Variants in CLEC16A observed in about 807,000 individuals in gnomAD.
CLEC16A encodes C-type lectin domain containing 16A.
In CLEC16A, 51 loss-of-function variants were observed where a neutral mutation model predicts 109.5. That is an observed-to-expected ratio of 0.47 (90% CI 0.37 to 0.59). CLEC16A has a LOEUF of 0.59. Ranked by LOEUF, CLEC16A falls within the 20% of genes least tolerant of loss-of-function variation. The pLI, the probability that CLEC16A is intolerant of heterozygous loss-of-function variation, is 0.00. For synonymous variants in CLEC16A, 673 were observed against 564.2 expected (o/e 1.19, Z -2.73); for missense variants, 1,339 against 1,394.0 (o/e 0.96, Z 0.63).
intron 18 of CLEC16A, among the ~76,000 whole-genome samples, chr16:11,055,722 G>A (rs1210199198): frequency 2.7e-5 from 4 of 150,496 alleles, no homozygotes; most frequent in African/African-American, 4.9e-5. Context: ...ACAGTAGCAT[G>A]AGCCACCACG....
At chr16:11,046,619 C>T (rs1025119827) in intron 16 of CLEC16A, among the ~76,000 whole-genome samples, 1 of 152,168 alleles carries the variant, frequency 6.6e-6, no homozygotes, top group Non-Finnish European at 1.5e-5. Flanking sequence ...CCTCGCATTT[C>T]ATGTGCATTA....
intron 19 of CLEC16A, among the ~76,000 whole-genome samples, chr16:11,062,756 A>C (rs1185662899): frequency 1.3e-5 from 2 of 152,122 alleles, no homozygotes; most frequent in Non-Finnish European, 2.9e-5. Flanking sequence ...CCTGCTGCCC[A>C]ACTCCTTTGG....
intron 19 of CLEC16A, among the ~76,000 whole-genome samples, chr16:11,100,387 G>A (rs1269929801): frequency 1.3e-5 from 2 of 152,152 alleles, no homozygotes; most frequent in African/African-American, 2.4e-5. Context: ...CACACGGCCC[G>A]GCCAAAGTGA....
chr16:11,121,813 G>A (rs560711687), intron 20 of CLEC16A, among the ~76,000 whole-genome samples: 1 of 143,894 alleles, frequency 6.9e-6, no homozygotes, highest in Non-Finnish European at 1.5e-5. Flanking sequence ...CCAGGAGGCA[G>A]AGGATGCAGT....
rs1383409364 is a variant in CLEC16A at position 11,081,947 on chromosome 16, G to A, written c.2116+20925G>A. ...CTTGGGAGGTTGAGGTGGGAGGATCGCTTGAGCTTGGGAGGCAGAGGTTGC... is the reference window on the plus strand; with the variant it reads ...CTTGGGAGGTTGAGGTGGGAGGATCACTTGAGCTTGGGAGGCAGAGGTTGC... On this transcript the variant is annotated intron_variant, in intron 19 of 23. Transcript: ENST00000409790. Among the ~76,000 whole-genome samples the A allele has an allele frequency of 5.3e-5, 8 of 152,318 alleles. No individual in the cohort carries two copies. The South Asian group carries it at 1.4e-3, about 28-fold the overall frequency.
rs72650687 is a variant in CLEC16A at position 11,166,421 on chromosome 16, G to A, written c.2675G>A (p.Ser892Asn). ...FAVAQCINQH[S>N]SPSLSSQSPP... ...GTGGCCCAGTGCATAAACCAGCACA[G>A]CTCCCCGTCCCTGTCCTCACAGTCG... Residue 892 changes from serine to asparagine, a missense_variant, in exon 23 of 24, where the codon AGC becomes AAC. Ser to Asn is a conservative substitution (Grantham distance 46). Coordinates refer to ENST00000409790, the MANE Select transcript of CLEC16A (RefSeq NM_015226.3). 3.4e-3 allele frequency: 5,446 copies of A among 1,605,748 alleles called. 13 individuals are homozygous for A. Among genetic ancestry groups the A allele is most frequent in the Non-Finnish European group, 4.3e-3 (5,023 of 1,179,650 alleles).
chr16:11,007,797 T>A (rs1370004989), intron 11 of CLEC16A, among the ~76,000 whole-genome samples: 5 of 151,648 alleles, frequency 3.3e-5, no homozygotes, highest in African/African-American at 1.2e-4. Context: ...TGTGTGAGAG[T>A]GAGTGTGTTT....
intron 19 of CLEC16A, among the ~76,000 whole-genome samples, chr16:11,087,923 G>A (rs994538107): frequency 9.9e-5 from 15 of 152,262 alleles, no homozygotes; most frequent in East Asian, 1.9e-4. Flanking sequence ...GAGCTCCCCC[G>A]CTGTGCAGCC....
At chr16:11,041,712 C>T (rs1282907819) in intron 14 of CLEC16A, 1 of 153,094 alleles carries the variant, frequency 6.5e-6, no homozygotes, top group Admixed American at 6.5e-5. Flanking sequence ...CGGTCCTCTG[C>T]TCAGCCCGGC....
intron 19 of CLEC16A, among the ~76,000 whole-genome samples, chr16:11,119,579 A>G (rs1379283035): frequency 6.6e-6 from 1 of 151,794 alleles, no homozygotes; most frequent in Non-Finnish European, 1.5e-5. Context: ...TTTTGTAGAG[A>G]TGGGGTTTTG....
At chr16:11,006,955 C>T (rs1332761953) in intron 11 of CLEC16A, among the ~76,000 whole-genome samples, 4 of 152,130 alleles carry the variant, frequency 2.6e-5, no homozygotes, top group Non-Finnish European at 4.4e-5. Context: ...AGGATATCAT[C>T]GTCCCTGTAG....
intron 23 of CLEC16A, among the ~76,000 whole-genome samples, chr16:11,169,688 C>G (rs1487900027): frequency 6.6e-6 from 1 of 152,218 alleles, no homozygotes; most frequent in Admixed American, 6.5e-5. Flanking sequence ...ATAGCTCTAG[C>G]CCACGGTTTT....
chr16:11,042,499 TC>T, intron 15 of CLEC16A, 136 bp downstream of exon 15: 3 of 626,910 alleles, frequency 4.8e-6, no homozygotes, highest in South Asian at 2.0e-5. Context: ...CAGGGGCTGC[TC>T]TCTTGAGACC....
chr16:11,165,762 G>T (rs188239945), intron 22 of CLEC16A, among the ~76,000 whole-genome samples: 3 of 152,146 alleles, frequency 2.0e-5, no homozygotes, highest in Non-Finnish European at 4.4e-5. Flanking sequence ...CCGCAGAAAC[G>T]TGTGGGCAGA....
Position 10,982,931 on chromosome 16 carries a change from T to A in CLEC16A, c.1011T>A (p.Ile337=). The stretch of plus-strand genomic sequence containing the variant: ...TGGTGAACTCGTTAGCTGAAGTCAT[T>A]CTGAATGGTGATCTGTCTGAGATGT... ...APLVNSLAEV[I]LNGDLSEMYA... Residue 337 remains isoleucine (I), a synonymous_variant, in exon 10 of 24, where the codon ATT becomes ATA. Transcript: ENST00000409790. The A allele has an allele frequency of 6.2e-7, 1 of 1,613,400 alleles. No homozygotes were observed. The highest frequency in any genetic ancestry group is 8.5e-7 in the Non-Finnish European group (1 of 1,179,316).
At chr16:11,000,701 C>A (rs534516671) in intron 10 of CLEC16A, among the ~76,000 whole-genome samples, 2 of 152,260 alleles carry the variant, frequency 1.3e-5, no homozygotes, top group South Asian at 2.1e-4. Flanking sequence ...AATCATGCAG[C>A]AATTTATGTG....
At chr16:11,036,684 G>A (rs561234714) in intron 13 of CLEC16A, among the ~76,000 whole-genome samples, 2 of 151,840 alleles carry the variant, frequency 1.3e-5, no homozygotes, top group African/African-American at 4.8e-5. Flanking sequence ...CAAGTAGCTG[G>A]TACTACAGGC....
At chr16:11,115,320 TA>T (rs2051904692) in intron 19 of CLEC16A, among the ~76,000 whole-genome samples, 1 of 152,254 alleles carries the variant, frequency 6.6e-6, no homozygotes, top group Non-Finnish European at 1.5e-5. Flanking sequence ...GTTTTTGTTC[TA>T]TTTTTAAAGA....
At chr16:10,995,769 G>A (rs1418449872) in intron 10 of CLEC16A, among the ~76,000 whole-genome samples, 2 of 152,148 alleles carry the variant, frequency 1.3e-5, no homozygotes. Flanking sequence ...CTCAGACTTG[G>A]GGCCAGGTCT....
Sources: gnomAD v4.1 joint callset for allele counts (sites outside exome capture counted in the v4.1 genomes callset) on GRCh38, gnomAD v4.1.1 for gene constraint, MANE v1.5 for transcripts, NCBI Gene and HGNC (gene_info 2026-07-23, HGNC 2026-07-21) for gene names.